ERBB4: variants seen among roughly 807,000 people sequenced by gnomAD.
ERBB4 encodes the protein receptor tyrosine-protein kinase erbB-4.
ERBB4 carries 42 observed loss-of-function variants against 158.0 expected under a neutral mutation model. The ratio of observed to expected loss-of-function variants is 0.27; its 90% CI spans 0.21 to 0.34. ERBB4 has a LOEUF of 0.34. Ranked by LOEUF, ERBB4 falls within the 10% of genes least tolerant of loss-of-function variation. The pLI, the probability that ERBB4 is intolerant of heterozygous loss-of-function variation, is 1.00. For synonymous variants in ERBB4, 583 were observed against 558.7 expected (o/e 1.04, Z -0.61); for missense variants, 1,333 against 1,624.1 (o/e 0.82, Z 3.08).
At chr2:211,838,474 A>G (rs2077391379) in intron 3 of ERBB4, among the ~76,000 whole-genome samples, 1 of 152,120 alleles carries the variant, frequency 6.6e-6, no homozygotes, top group Non-Finnish European at 1.5e-5. Flanking sequence ...ATTACTATGG[A>G]CAGCATATTC....
chr2:212,406,870 C>T (rs928590722), intron 1 of ERBB4, among the ~76,000 whole-genome samples: 3 of 152,084 alleles, frequency 2.0e-5, no homozygotes, highest in Non-Finnish European at 4.4e-5. Context: ...TTCCTCTCCA[C>T]ACATTCCACA....
At chr2:211,766,149 A>C (rs1361929613) in intron 4 of ERBB4, among the ~76,000 whole-genome samples, 1 of 152,192 alleles carries the variant, frequency 6.6e-6, no homozygotes, top group Non-Finnish European at 1.5e-5. Context: ...TCCTGTGTAG[A>C]AAGAGCACCT....
chr2:211,999,529 T>C (rs2076056118), intron 2 of ERBB4, among the ~76,000 whole-genome samples: 1 of 151,884 alleles, frequency 6.6e-6, no homozygotes, highest in Admixed American at 6.6e-5. Flanking sequence ...TGCCTTGAAC[T>C]AAGAATGACA....
chr2:212,100,408 A>G (rs2079050292), intron 2 of ERBB4, among the ~76,000 whole-genome samples: 1 of 152,198 alleles, frequency 6.6e-6, no homozygotes, highest in East Asian at 1.9e-4. Context: ...GATACAAGAA[A>G]TAAATAGCAT....
chr2:212,054,637 C>T (rs773222945), intron 2 of ERBB4, among the ~76,000 whole-genome samples: 3 of 152,164 alleles, frequency 2.0e-5, no homozygotes, highest in Non-Finnish European at 4.4e-5. Flanking sequence ...CTTCCCTCTC[C>T]AGTGCCAATC....
At chr2:212,186,976 C>T (rs892394857) in intron 1 of ERBB4, among the ~76,000 whole-genome samples, 52 of 152,112 alleles carry the variant, frequency 3.4e-4, no homozygotes, top group African/African-American at 1.1e-3. Context: ...AACACTTCTC[C>T]CTTAAAATCA....
intron 20 of ERBB4, among the ~76,000 whole-genome samples, chr2:211,444,149 T>TGACA (rs1553536270): frequency 6.6e-6 from 1 of 151,518 alleles, no homozygotes; most frequent in Admixed American, 6.6e-5. Context: ...ATTATCTGTA[T>TGACA]AACATTTCAC....
chr2:211,580,237 T>A (rs930441495), intron 19 of ERBB4, among the ~76,000 whole-genome samples: 5 of 152,046 alleles, frequency 3.3e-5, no homozygotes, highest in African/African-American at 1.2e-4. Context: ...ATCTTCACAA[T>A]CTATACATCT....
intron 2 of ERBB4, among the ~76,000 whole-genome samples, chr2:212,049,207 T>A (rs2077336282): frequency 6.6e-6 from 1 of 152,230 alleles, no homozygotes; most frequent in Admixed American, 6.5e-5. Context: ...CTAACAACTG[T>A]AATTATAATA....
chr2:211,388,402 T>C (rs960609664), intron 25 of ERBB4, among the ~76,000 whole-genome samples: 4 of 152,186 alleles, frequency 2.6e-5, no homozygotes, highest in Non-Finnish European at 5.9e-5. Context: ...TTATTTTTTC[T>C]CTTAGAATAA....
At chr2:211,737,314 C>T (rs1002024253) in intron 5 of ERBB4, among the ~76,000 whole-genome samples, 2 of 152,100 alleles carry the variant, frequency 1.3e-5, no homozygotes, top group Admixed American at 6.5e-5. Context: ...CCCTTCCTGC[C>T]TCCAGAAAAT....
intron 1 of ERBB4, among the ~76,000 whole-genome samples, chr2:212,463,331 T>C (rs1688667636): frequency 6.6e-6 from 1 of 152,104 alleles, no homozygotes; most frequent in Non-Finnish European, 1.5e-5. Context: ...TCACTACATA[T>C]TGTGTAAGTG....
chr2:211,697,035 G>C (rs1051429565), intron 12 of ERBB4, among the ~76,000 whole-genome samples: 1 of 152,154 alleles, frequency 6.6e-6, no homozygotes. Flanking sequence ...AGTCAGACAG[G>C]CATTGGGTTC....
At chr2:211,931,414 T>C (rs1367575346) in intron 3 of ERBB4, among the ~76,000 whole-genome samples, 2 of 152,018 alleles carry the variant, frequency 1.3e-5, no homozygotes, top group Non-Finnish European at 2.9e-5. Flanking sequence ...TTGCATTTTT[T>C]AATTAAATGC....
chr2:211,671,006 T>C (rs1204313813), intron 14 of ERBB4, among the ~76,000 whole-genome samples: 1 of 152,072 alleles, frequency 6.6e-6, no homozygotes, highest in South Asian at 2.1e-4. Flanking sequence ...ATTTTTTTTA[T>C]GAAATTAGAA....
intron 1 of ERBB4, among the ~76,000 whole-genome samples, chr2:212,513,529 A>G (rs1354403143): frequency 6.6e-6 from 1 of 152,138 alleles, no homozygotes; most frequent in Non-Finnish European, 1.5e-5. Flanking sequence ...TTAAGTTTTC[A>G]AGGCCTGGCG....
intron 12 of ERBB4, among the ~76,000 whole-genome samples, chr2:211,681,064 A>G (rs1263409941): frequency 6.6e-6 from 1 of 152,136 alleles, no homozygotes; most frequent in Non-Finnish European, 1.5e-5. Flanking sequence ...CTCACTGTAC[A>G]TTAGTTTGCA....
intron 2 of ERBB4, among the ~76,000 whole-genome samples, chr2:212,015,162 A>G (rs1252394300): frequency 7.0e-6 from 1 of 143,706 alleles, no homozygotes; most frequent in Non-Finnish European, 1.5e-5. Flanking sequence ...GCTACTCGGG[A>G]GGCTGAGGCA....
intron 1 of ERBB4, among the ~76,000 whole-genome samples, chr2:212,436,227 T>C (rs1168989920): frequency 2.0e-5 from 3 of 151,932 alleles, no homozygotes; most frequent in African/African-American, 7.2e-5. Context: ...AAGCAATCGG[T>C]AAGATCTTAA....
Sources: allele counts gnomAD v4.1 joint callset (sites outside exome capture counted in the v4.1 genomes callset), GRCh38; gene constraint gnomAD v4.1.1; transcripts MANE v1.5; gene names NCBI Gene and HGNC (gene_info 2026-07-23, HGNC 2026-07-21).